Variants in C2orf69 observed in about 807,000 individuals in gnomAD.
C2orf69 encodes chromosome 2 open reading frame 69, also known as mitochondrial protein C2orf69.
A neutral mutation model predicts 29.5 loss-of-function variants in C2orf69; 19 were observed. The observed-to-expected ratio is 0.65, with a 90% CI of 0.45 to 0.95. The LOEUF (loss-of-function observed/expected upper bound fraction) is 0.95. C2orf69 is among the 40% of genes least tolerant of loss of function. C2orf69 has a pLI of 0.00. For synonymous variants in C2orf69, 194 were observed against 180.0 expected (o/e 1.08, Z -0.62); for missense variants, 416 against 482.1 (o/e 0.86, Z 1.28).
intron 1 of C2orf69, among the ~76,000 whole-genome samples, chr2:199,915,217 G>A (rs546034628): frequency 6.6e-6 from 1 of 152,248 alleles, no homozygotes; most frequent in South Asian, 2.1e-4. Context: ...TCGCTGCTGA[G>A]TACAGCCCAT....
intron 1 of C2orf69, among the ~76,000 whole-genome samples, chr2:199,915,033 G>A (rs574174872): frequency 7.9e-5 from 12 of 152,340 alleles, no homozygotes; most frequent in Admixed American, 7.8e-4. Context: ...AGAGTTGCAT[G>A]TTTTAGGTGT....
chr2:199,912,522 C>G (rs1360767977), intron 1 of C2orf69, among the ~76,000 whole-genome samples: 1 of 152,154 alleles, frequency 6.6e-6, no homozygotes, highest in Non-Finnish European at 1.5e-5. Flanking sequence ...TGCTCAGTAG[C>G]TACAGATGGC....
intron 1 of C2orf69, 110 bp downstream of exon 1, chr2:199,911,881 C>A: frequency 7.0e-7 from 1 of 1,431,174 alleles, no homozygotes; most frequent in Non-Finnish European, 9.4e-7. Context: ...CCTGAACACA[C>A]CCACACATTC....
At chr2:199,915,251 A>T (rs1323405812) in intron 1 of C2orf69, among the ~76,000 whole-genome samples, 1 of 152,202 alleles carries the variant, frequency 6.6e-6, no homozygotes, top group South Asian at 2.1e-4. Context: ...TGATGCTTTT[A>T]GAATGCCTAT....
intron 1 of C2orf69, among the ~76,000 whole-genome samples, chr2:199,922,031 T>TTTTATATATATATATATATATA (rs1553566020): frequency 1.3e-5 from 1 of 78,970 alleles, no homozygotes; most frequent in Non-Finnish European, 2.3e-5. Context: ...ACTGTTATTT[T>TTTTATATATATATATATATATA]TATATATATA....
chr2:199,916,687 T>C (rs540866254), intron 1 of C2orf69, among the ~76,000 whole-genome samples: 2 of 152,208 alleles, frequency 1.3e-5, no homozygotes, highest in Non-Finnish European at 2.9e-5. Context: ...AGGACAGTCA[T>C]TAAACCTTAA....
chr2:199,920,818 T>A (rs948657351), intron 1 of C2orf69, among the ~76,000 whole-genome samples: 6 of 150,504 alleles, frequency 4.0e-5, no homozygotes, highest in African/African-American at 1.5e-4. Flanking sequence ...TAGCCGGGCA[T>A]GGTGGCGCGC....
At chr2:199,917,897 G>T (rs138216549) in intron 1 of C2orf69, among the ~76,000 whole-genome samples, 4 of 152,324 alleles carry the variant, frequency 2.6e-5, no homozygotes, top group Admixed American at 2.0e-4. Context: ...AAGCAAAGAG[G>T]TTTAATTGGC....
chr2:199,920,865 A>G (rs2077312760), intron 1 of C2orf69, among the ~76,000 whole-genome samples: 1 of 142,522 alleles, frequency 7.0e-6, no homozygotes, highest in Non-Finnish European at 1.5e-5. Flanking sequence ...CTGAGGCAGG[A>G]GAATGGCATG....
At chr2:199,915,566 G>C (rs1389213376) in intron 1 of C2orf69, among the ~76,000 whole-genome samples, 1 of 151,232 alleles carries the variant, frequency 6.6e-6, no homozygotes, top group African/African-American at 2.4e-5. Context: ...GAGTGCAGTG[G>C]CGTGATCTTG....
chr2:199,911,385 T>C lies in C2orf69; in HGVS notation c.-54T>C. The C allele has an allele frequency of 7.1e-7, 1 of 1,416,194 alleles. No individual in the cohort carries two copies. Among genetic ancestry groups the C allele is most frequent in the Non-Finnish European group, 9.2e-7 (1 of 1,090,120 alleles). The allele number at this position is 1,416,194 out of a possible 1,614,324, so 87.7% of individuals were successfully genotyped here. A position where few individuals can be genotyped will look rare whatever the true frequency, so the allele number is the denominator to read the frequency against. On this transcript the variant is annotated 5_prime_UTR_variant, in exon 1 of 2. Transcript: ENST00000319974. ...TGAGCCGCCTGCTGAAGTCCCTCCCTCAGGAACCCCTCCGCCACCCTCCAC... is the reference window on the plus strand; with the variant it reads ...TGAGCCGCCTGCTGAAGTCCCTCCCCCAGGAACCCCTCCGCCACCCTCCAC...
Position 199,911,453 on chromosome 2 carries a change from G to C in C2orf69, c.15G>C (p.Arg5Ser). The C allele has an allele frequency of 1.3e-6, 2 of 1,542,090 alleles. No individual in the cohort carries two copies. The highest frequency in any genetic ancestry group is 2.5e-5 in the East Asian group (1 of 40,536). MWGFRLLRSPPLLLL... is the reference protein window; with the variant it reads MWGFSLLRSPPLLLL... ...GGCGGCGACCCATGTGGGGGTTCAG[G>C]CTCCTGCGGTCGCCGCCGTTGCTGC... The change falls in exon 1 of 2, where the codon AGG becomes AGC. Residue 5 changes from arginine to serine, a missense_variant. Arg to Ser is a moderately radical substitution (Grantham distance 110). Around this residue, in one of 4 missense-constraint regions of C2orf69, gnomAD observed 175 missense variants for 139.9 expected, o/e 1.25. Transcript: ENST00000319974.
chr2:199,916,774 T>C (rs1031451085), intron 1 of C2orf69, among the ~76,000 whole-genome samples: 2 of 152,216 alleles, frequency 1.3e-5, no homozygotes, highest in Non-Finnish European at 2.9e-5. Context: ...TCCTGTGGCT[T>C]TGCAGGGTAC....
rs1353511597 is a variant in C2orf69, at chr2:199,913,241, T to A, written c.333+1470T>A. Among the ~76,000 whole-genome samples, 16 of 31,124 alleles carry A rather than the reference T, an allele frequency of 5.1e-4. 2 individuals carry two copies. The highest frequency in any genetic ancestry group is 1.3e-3 in the East Asian group (2 of 1,580). 20.4% of individuals were successfully genotyped at this position (31,124 alleles called of 152,430 possible). ...TATATAATATATATTATAATATATA[T>A]AATATATATTATATAAAATATATTC... On this transcript the variant is annotated intron_variant, in intron 1 of 1. Transcript: ENST00000319974.
chr2:199,923,357 A>G (rs1017044183), intron 1 of C2orf69, among the ~76,000 whole-genome samples: 11 of 152,334 alleles, frequency 7.2e-5, no homozygotes, highest in African/African-American at 2.6e-4. Context: ...TGCCTACTTA[A>G]AATGTTGTTA....
At chr2:199,913,186 TATATATTATATATAATATATA>T (rs1559291979) in intron 1 of C2orf69, among the ~76,000 whole-genome samples, 2 of 105,184 alleles carry the variant, frequency 1.9e-5, no homozygotes, top group Non-Finnish European at 3.6e-5. Context: ...TATAAAATTA[TATATATTATATATAATATATA>T]ATATATTATA....
intron 1 of C2orf69, 94 bp from the exon 2 acceptor site, chr2:199,924,966 CAT>C (rs2077330204): frequency 6.9e-6 from 5 of 724,142 alleles, no homozygotes; most frequent in Non-Finnish European, 9.2e-6. Flanking sequence ...GTCATTGTAA[CAT>C]CCCTTCTCCA....
intron 1 of C2orf69, among the ~76,000 whole-genome samples, chr2:199,921,329 T>C (rs1387537100): frequency 1.3e-5 from 2 of 151,964 alleles, no homozygotes. Flanking sequence ...TTTTAACATA[T>C]ATGGCAAACT....
rs2077334188 is a variant in C2orf69 at position 199,926,125 on chromosome 2, GTAA to G, written c.*244_*246del. On this transcript the variant is annotated 3_prime_UTR_variant, in exon 2 of 2. Coordinates refer to ENST00000319974, the MANE Select transcript of C2orf69 (RefSeq NM_153689.6). Reference sequence around the variant, plus strand: ...AATTTGAAATCTAACAAGGTGGTTTGTAATAATGCTGAGGAGATATAAGACCCT... The same window carrying G: ...AATTTGAAATCTAACAAGGTGGTTTGTAATGCTGAGGAGATATAAGACCCT... 1 of 452,154 alleles carries G rather than the reference GTAA, an allele frequency of 2.2e-6. No homozygotes were observed. The allele number at this position is 452,154 out of a possible 1,614,324, so 28.0% of individuals were successfully genotyped here. A position where few individuals can be genotyped will look rare whatever the true frequency, so the allele number is the denominator to read the frequency against.
Sources: allele counts gnomAD v4.1 joint callset (sites outside exome capture counted in the v4.1 genomes callset), GRCh38; gene constraint gnomAD v4.1.1; regional missense constraint gnomAD v4.1.1; transcripts MANE v1.5; gene names NCBI Gene and HGNC (gene_info 2026-07-23, HGNC 2026-07-21).